KANSL1L: variants seen among roughly 807,000 people sequenced by gnomAD.
KANSL1L encodes KAT8 regulatory NSL complex subunit 1-like protein.
A neutral mutation model predicts 108.6 loss-of-function variants in KANSL1L; 25 were observed. The ratio of observed to expected loss-of-function variants is 0.23; its 90% confidence interval spans 0.17 to 0.32. The LOEUF (loss-of-function observed/expected upper bound fraction) is 0.32, where lower values mean the gene tolerates loss of function less well. KANSL1L is among the 10% of genes least tolerant of loss of function. The probability of loss-of-function intolerance (pLI) is 1.00; values close to 1 mark genes in which losing one functional copy is unlikely to be tolerated. For synonymous variants in KANSL1L, 405 were observed against 395.1 expected (o/e 1.03, Z -0.30); for missense variants, 1,137 against 1,125.7 (o/e 1.01, Z -0.14).
intron 3 of KANSL1L, among the ~76,000 whole-genome samples, chr2:210,104,995 C>T (rs2094832211): frequency 6.6e-6 from 1 of 152,086 alleles, no homozygotes; most frequent in African/African-American, 2.4e-5. Flanking sequence ...CAAGTTGTCT[C>T]TGTACTCTCT....
At chr2:210,046,055 C>G (rs991799458) in intron 6 of KANSL1L, among the ~76,000 whole-genome samples, 4 of 152,278 alleles carry the variant, frequency 2.6e-5, no homozygotes, top group African/African-American at 9.6e-5. Context: ...TACTTTCTCA[C>G]TGATAAGATG....
At chr2:210,115,832 C>T (rs909936060) in intron 3 of KANSL1L, among the ~76,000 whole-genome samples, 2 of 152,140 alleles carry the variant, frequency 1.3e-5, no homozygotes, top group African/African-American at 4.8e-5. Context: ...AAAAATGTTA[C>T]CATAAAAATA....
intron 3 of KANSL1L, among the ~76,000 whole-genome samples, chr2:210,108,263 T>C (rs539453211): frequency 1.3e-5 from 2 of 152,230 alleles, no homozygotes; most frequent in East Asian, 3.9e-4. Context: ...GCATGTTCCA[T>C]AAAATAAACA....
At chr2:210,170,497 C>T in intron 1 of KANSL1L, 1 of 465,018 alleles carries the variant, frequency 2.2e-6, no homozygotes, top group Non-Finnish European at 2.8e-6. Context: ...TTTCTTGCTA[C>T]CAAACACCAC....
intron 3 of KANSL1L, among the ~76,000 whole-genome samples, chr2:210,115,076 GAAGT>G (rs1317461019): frequency 6.6e-6 from 1 of 152,006 alleles, no homozygotes; most frequent in East Asian, 1.9e-4. Context: ...CAAAATGACA[GAAGT>G]AAGTCTATCC....
chr2:210,079,646 A>ATATATATGTATGTATGTG (rs1559539669), intron 5 of KANSL1L, among the ~76,000 whole-genome samples: 1 of 13,118 alleles, frequency 7.6e-5, no homozygotes, highest in Non-Finnish European at 1.3e-4. Context: ...ATATATATAT[A>ATATATATGTATGTATGTG]TATATATATA....
chr2:210,106,193 C>T (rs1243474998), intron 3 of KANSL1L, among the ~76,000 whole-genome samples: 1 of 152,110 alleles, frequency 6.6e-6, no homozygotes, highest in Non-Finnish European at 1.5e-5. Context: ...GGTTTCTCCA[C>T]AAGTACCTGC....
chr2:210,074,069 A>G (rs190469938), intron 6 of KANSL1L, among the ~76,000 whole-genome samples: 4 of 152,330 alleles, frequency 2.6e-5, no homozygotes, highest in African/African-American at 9.6e-5. Context: ...ATAACAATAT[A>G]TATACCATTC....
intron 5 of KANSL1L, among the ~76,000 whole-genome samples, chr2:210,083,670 T>C (rs1437179101): frequency 2.0e-5 from 3 of 151,174 alleles, no homozygotes; most frequent in African/African-American, 7.3e-5. Flanking sequence ...CTACTAAACA[T>C]ACAAAAAAAT....
chr2:210,074,658 A>G (rs574351141), intron 6 of KANSL1L, among the ~76,000 whole-genome samples: 69 of 152,328 alleles, frequency 4.5e-4, no homozygotes, highest in African/African-American at 1.6e-3. Context: ...CCGGGCAGGA[A>G]AAGTCTTTCA....
At chr2:210,078,374 GA>G (rs1329927500) in intron 5 of KANSL1L, among the ~76,000 whole-genome samples, 1 of 151,936 alleles carries the variant, frequency 6.6e-6, no homozygotes, top group Non-Finnish European at 1.5e-5. Context: ...ATTACCAGAG[GA>G]AAAAAAGTTC....
intron 5 of KANSL1L, 85 bp downstream of exon 5, chr2:210,098,001 A>G: frequency 1.7e-6 from 2 of 1,201,932 alleles, no homozygotes; most frequent in East Asian, 5.4e-5. Context: ...AGTAGCTATA[A>G]TACTTAAAAT....
At chr2:210,139,507 T>C (rs1238125395) in intron 2 of KANSL1L, among the ~76,000 whole-genome samples, 1 of 152,216 alleles carries the variant, frequency 6.6e-6, no homozygotes, top group East Asian at 1.9e-4. Context: ...ATATCTGTGC[T>C]TGTTTACATT....
At chr2:210,126,067 T>C (rs13400130) in intron 3 of KANSL1L, among the ~76,000 whole-genome samples, 182 of 152,330 alleles carry the variant, frequency 1.2e-3, no homozygotes, top group African/African-American at 4.3e-3. Flanking sequence ...ATCTTATATG[T>C]AGAAAACACT....
chr2:210,022,717 A>G lies in KANSL1L; in HGVS notation c.*232T>C, dbSNP rs1450614131. The stretch of plus-strand genomic sequence containing the variant: ...AGCAATTAATATCTTGGTGTTTGTA[A>G]GTAAGTTGCATGATAAACACAAATG... On this transcript the variant is annotated 3_prime_UTR_variant, in exon 15 of 15. Coordinates refer to ENST00000281772, the MANE Select transcript of KANSL1L (RefSeq NM_152519.4). 1.0e-5 allele frequency: 5 copies of G among 486,620 alleles called. No individual in the cohort carries two copies. Among genetic ancestry groups the G allele is most frequent in the Middle Eastern group, 5.7e-4 (1 of 1,744 alleles). 30.1% of individuals were successfully genotyped at this position (486,620 alleles called of 1,614,324 possible). A position where few individuals can be genotyped will look rare whatever the true frequency, so the allele number is the denominator to read the frequency against.
intron 2 of KANSL1L, among the ~76,000 whole-genome samples, chr2:210,149,896 GAAAAACCAAAAAA>G (rs983847917): frequency 1.5e-5 from 2 of 133,468 alleles, no homozygotes; most frequent in African/African-American, 5.6e-5. Context: ...AAGTATTAAA[GAAAAACCAAAAAA>G]AAAAACCAAA....
intron 5 of KANSL1L, among the ~76,000 whole-genome samples, chr2:210,079,644 A>ATGTG (rs1276428655): frequency 0.021 from 188 of 8,976 alleles, 17 homozygotes; most frequent in African/African-American, 0.031. Context: ...ATATATATAT[A>ATGTG]TATATATATA....
chr2:210,040,367 G>C lies in KANSL1L; in HGVS notation c.2029+53C>G. 3.6e-6 allele frequency: 3 copies of C among 834,308 alleles called. No homozygotes were observed. In the South Asian group the frequency reaches 4.3e-5, roughly 12 times the overall value. The allele number at this position is 834,308 out of a possible 1,614,324, so 51.7% of individuals were successfully genotyped here. A position where few individuals can be genotyped will look rare whatever the true frequency, so the allele number is the denominator to read the frequency against. On this transcript the variant is annotated intron_variant, in intron 8 of 14. Transcript: ENST00000281772. ...TTTTCTTAGAATGCAAAAATAGTAA[G>C]TATAAAGACATAAAAAGGCATATAG...
At chr2:210,064,256 G>A (rs145175236) in intron 6 of KANSL1L, 1 of 152,048 alleles carries the variant, frequency 6.6e-6, no homozygotes, top group South Asian at 2.1e-4. Flanking sequence ...CCAGTTTCAG[G>A]TATGTCTTTA....
Sources: gnomAD v4.1 joint callset for allele counts (sites outside exome capture counted in the v4.1 genomes callset) on GRCh38, gnomAD v4.1.1 for gene constraint, MANE v1.5 for transcripts, NCBI Gene and HGNC (gene_info 2026-07-23, HGNC 2026-07-21) for gene names.